BDP1: variants seen among roughly 807,000 people sequenced by gnomAD.
BDP1 encodes the protein BDP1 general transcription factor IIIB subunit.
BDP1 carries 169 observed loss-of-function variants against 266.6 expected under a neutral mutation model. That is an observed-to-expected ratio of 0.63 (90% CI 0.56 to 0.72). BDP1 has a LOEUF of 0.72. Among genes scored for constraint, BDP1 ranks in the 30% least tolerant of loss-of-function variants. The pLI, the probability that BDP1 is intolerant of heterozygous loss-of-function variation, is 0.00. For synonymous variants in BDP1, 1,090 were observed against 1,022.4 expected, an observed-to-expected ratio of 1.07 and a Z score of -1.26; for missense variants, 3,015 against 3,053.8, an observed-to-expected ratio of 0.99 and a Z score of 0.30.
rs1261712044 is a variant in BDP1, at chr5:71,461,861, A to G, written c.534A>G (p.Pro178=). ...ATGCTATAAATGAAAGTCAGAGGCC[A>G]CCAGATCGTTCAAAAATGACTATGA... is the stretch of plus-strand genomic sequence containing the variant. ...NKYAINESQR[P]PDRSKMTMRD... is the part of the protein sequence containing the mutation. Residue 178 remains proline, a synonymous_variant, in exon 3 of 39, where the codon CCA becomes CCG. Transcript: ENST00000358731. 6.2e-7 allele frequency: 1 copy of G among 1,609,314 alleles called. No individual in the cohort carries two copies. Among genetic ancestry groups the G allele is most frequent in the Non-Finnish European group, 8.5e-7 (1 of 1,176,872 alleles).
chr5:71,469,911 G>T lies in BDP1; in HGVS notation c.920-484G>T, dbSNP rs191949705. On this transcript the variant is annotated intron_variant, in intron 6 of 38. Coordinates refer to ENST00000358731, the MANE Select transcript of BDP1 (RefSeq NM_018429.3). ...GGTTGGAGTGCAATGGCACGATCTC[G>T]GCTCACTGCAACCTCCGCTTCCCGG... Among the ~76,000 whole-genome samples the T allele has an allele frequency of 6.8e-3, 931 of 136,098 alleles. 25 individuals carry two copies. Among genetic ancestry groups the T allele is most frequent in the Admixed American group, 0.053 (696 of 13,156 alleles). The allele number at this position is 136,098 out of a possible 152,430, so 89.3% of individuals were successfully genotyped here. A position where few individuals can be genotyped will look rare whatever the true frequency, so the allele number is the denominator to read the frequency against.
At chr5:71,498,386 T>C (rs1764022141) in intron 13 of BDP1, among the ~76,000 whole-genome samples, 1 of 151,326 alleles carries the variant, frequency 6.6e-6, no homozygotes, top group Admixed American at 6.6e-5. Flanking sequence ...ATGAGCCAGC[T>C]CACCTGGTCA....
rs767135305 is a variant in BDP1 at position 71,510,389 on chromosome 5, C to A, written c.3297C>A (p.Ser1099=). 6 of 1,612,486 alleles carry A rather than the reference C, an allele frequency of 3.7e-6. No individual in the cohort carries two copies. In the African/African-American group the frequency reaches 5.4e-5, roughly 14 times the overall value. The change falls in exon 17 of 39, where the codon TCC becomes TCA. Residue 1099 remains serine, a synonymous_variant. Coordinates refer to ENST00000358731, the MANE Select transcript of BDP1 (RefSeq NM_018429.3). ...TGGAAGAAACTGAAAGAGAAATATC[C>A]CCACAGGAAAATGGCCTAGAGGAGG... The part of the protein sequence containing the change: ...IDLEETEREI[S]PQENGLEEVK...
rs1405316654 is a variant in BDP1, at chr5:71,516,154, A to G, written c.4743A>G (p.Pro1581=). The change falls in exon 21 of 39, where the codon CCA becomes CCG. Residue 1581 remains proline, a synonymous_variant. Transcript: ENST00000358731. ...GGGGCCGACTTCAGAGACCGAGACC[A>G]AATATAAGAAAGACAGGACAGAGGC... ...QVRGRLQRPR[P]NIRKTGQRQI... 6.2e-7 allele frequency: 1 copy of G among 1,613,492 alleles called. No individual in the cohort carries two copies. Among genetic ancestry groups the G allele is most frequent in the Non-Finnish European group, 8.5e-7 (1 of 1,179,626 alleles).
Position 71,566,647 on chromosome 5 carries a change from A to G in BDP1, c.*1762A>G, listed in dbSNP as rs2112155420. 6.6e-6 allele frequency: 1 copy of G among 152,338 alleles called. No homozygotes were observed. Among genetic ancestry groups the G allele is most frequent in the Admixed American group, 6.5e-5 (1 of 15,302 alleles). The allele number at this position is 152,338 out of a possible 1,614,324, so 9.4% of individuals were successfully genotyped here. On this transcript the variant is annotated 3_prime_UTR_variant, in exon 39 of 39. Coordinates refer to ENST00000358731, the MANE Select transcript of BDP1 (RefSeq NM_018429.3). ...CTGCAATTTCAGTGTGAAAGAAGCC[A>G]TAGACAGTACTTGAATGAAGGACTG... is the stretch of plus-strand genomic sequence containing the variant.
chr5:71,566,661 A>T lies in BDP1; in HGVS notation c.*1776A>T, dbSNP rs765197245. On this transcript the variant is annotated 3_prime_UTR_variant, in exon 39 of 39. Transcript: ENST00000358731. ...TGAAAGAAGCCATAGACAGTACTTG[A>T]ATGAAGGACTGTGGCTGGATTGGCC... The T allele has an allele frequency of 1.3e-5, 2 of 152,188 alleles. No individual in the cohort carries two copies. Among genetic ancestry groups the T allele is most frequent in the African/African-American group, 2.4e-5 (1 of 41,448 alleles). 9.4% of individuals were successfully genotyped at this position (152,188 alleles called of 1,614,324 possible). A position where few individuals can be genotyped will look rare whatever the true frequency, so the allele number is the denominator to read the frequency against.
rs765003209 is a variant in BDP1 at position 71,548,681 on chromosome 5, G to GTA, written c.6747_6748dup (p.Thr2250IlefsTer14). 1 of 1,599,734 alleles carries GTA rather than the reference G, an allele frequency of 6.3e-7. No homozygotes were observed. Among genetic ancestry groups the GTA allele is most frequent in the Non-Finnish European group, 8.6e-7 (1 of 1,168,280 alleles). On this transcript the variant is annotated frameshift_variant and splice_region_variant. Coordinates refer to ENST00000358731, the MANE Select transcript of BDP1 (RefSeq NM_018429.3). LOFTEE classifies it high-confidence loss of function. ...TCTTTCATTTTAATTTTTTATGGCAGTATACACCAACAAGTATTCCAGAAG... is the reference window on the plus strand; with the variant it reads ...TCTTTCATTTTAATTTTTTATGGCAGTATATACACCAACAAGTATTCCAGAAG...
At chr5:71,495,200 T>C (rs776563398) in intron 11 of BDP1, 50 bp from the exon 12 acceptor site, 1 of 1,149,734 alleles carries the variant, frequency 8.7e-7, no homozygotes, top group South Asian at 2.0e-5. Context: ...AATTATAAAA[T>C]ATATATCATT....
rs114745707 is a variant in BDP1, at chr5:71,498,302, A to G, written c.1956+876A>G. 4.2e-3 allele frequency among the ~76,000 whole-genome samples: 639 copies of G among 152,024 alleles called. 10 individuals carry two copies. Among genetic ancestry groups the G allele is most frequent in the African/African-American group, 0.014 (597 of 41,464 alleles). On this transcript the variant is annotated intron_variant, in intron 13 of 38. Coordinates refer to ENST00000358731, the MANE Select transcript of BDP1 (RefSeq NM_018429.3). Reference sequence around the variant, plus strand: ...TTTGGAATGGAGTTTCACTGTGTTCACCAGGCTGGTTTCTAACTCCTGGCC... The same window carrying G: ...TTTGGAATGGAGTTTCACTGTGTTCGCCAGGCTGGTTTCTAACTCCTGGCC...
chr5:71,559,153 C>CA (rs971722826), intron 36 of BDP1, among the ~76,000 whole-genome samples: 2 of 151,802 alleles, frequency 1.3e-5, no homozygotes, highest in East Asian at 1.9e-4. Flanking sequence ...GACTCTGTCT[C>CA]AAAAAAACAA....
At chr5:71,525,084 G>T (rs1246595613) in intron 25 of BDP1, among the ~76,000 whole-genome samples, 1 of 151,314 alleles carries the variant, frequency 6.6e-6, no homozygotes, top group South Asian at 2.1e-4. Flanking sequence ...TTTCCCCACT[G>T]TTCCCCCCTT....
rs781471945 is a variant in BDP1, at chr5:71,489,578, AAAG to A, written c.1392_1394del (p.Arg466del). On this transcript the variant is annotated inframe_deletion, in exon 10 of 39. Coordinates refer to ENST00000358731, the MANE Select transcript of BDP1 (RefSeq NM_018429.3). ...TTAGAAGTAGACCTAAATCAAAAGA[AAAG>A]AAGGAGGAAGAAGCAAGATGGAGCT... The A allele has an allele frequency of 1.5e-5, 25 of 1,614,182 alleles. No homozygotes were observed. Among genetic ancestry groups the A allele is most frequent in the African/African-American group, 2.7e-5 (2 of 75,068 alleles).
At chr5:71,525,738 A>AC (rs1314749174) in intron 25 of BDP1, among the ~76,000 whole-genome samples, 2 of 99,094 alleles carry the variant, frequency 2.0e-5, no homozygotes, top group Admixed American at 9.8e-5. Context: ...CGGGGGGCTG[A>AC]CCCCCACCTC....
intron 13 of BDP1, 107 bp from the exon 14 acceptor site, chr5:71,501,455 T>C: frequency 1.4e-6 from 1 of 722,420 alleles, no homozygotes; most frequent in Non-Finnish European, 2.4e-6. Context: ...ATTACAGGCT[T>C]GAGCCACCGT....
Position 71,497,258 on chromosome 5 carries a change from T to G in BDP1, c.1800-12T>G, listed in dbSNP as rs749581768. The G allele has an allele frequency of 9.9e-6, 16 of 1,610,464 alleles. No homozygotes were observed. The highest frequency in any genetic ancestry group is 1.7e-6 in the Non-Finnish European group (2 of 1,177,836). On this transcript the variant is annotated splice_polypyrimidine_tract_variant and intron_variant, in intron 12 of 38. Transcript: ENST00000358731. ...CATGTTTGATGCTATTTAAATAATG[T>G]TAATTTTTCAGGGAAATTGATCAAA... is the stretch of plus-strand genomic sequence containing the variant.
At chr5:71,526,051 G>A (rs1007581331) in intron 25 of BDP1, among the ~76,000 whole-genome samples, 3 of 152,220 alleles carry the variant, frequency 2.0e-5, no homozygotes, top group Admixed American at 6.5e-5. Flanking sequence ...GCCGGGCAGA[G>A]GCTGCAATCT....
intron 16 of BDP1, among the ~76,000 whole-genome samples, chr5:71,505,656 G>A (rs2150455353): frequency 6.6e-6 from 1 of 152,254 alleles, no homozygotes; most frequent in African/African-American, 2.4e-5. Context: ...CAGTCTTTAC[G>A]TTTAAAGGCT....
At chr5:71,559,110 C>T (rs1217305349) in intron 36 of BDP1, among the ~76,000 whole-genome samples, 4 of 152,058 alleles carry the variant, frequency 2.6e-5, no homozygotes, top group South Asian at 4.1e-4. Flanking sequence ...GCCGAGATCG[C>T]GCCTCTGCAC....
In BDP1 at chr5:71,565,031, T is replaced by C; in HGVS notation, c.*146T>C. On this transcript the variant is annotated 3_prime_UTR_variant, in exon 39 of 39. Transcript: ENST00000358731. ...ATACTTAATGAGCTTGATTTGAAGC[T>C]TTTATAATCAGTGGAAAACATTTCT... 2.7e-6 allele frequency: 2 copies of C among 732,774 alleles called. No individual in the cohort carries two copies. The allele number at this position is 732,774 out of a possible 1,614,324, so 45.4% of individuals were successfully genotyped here.
Sources: gnomAD v4.1 joint callset for allele counts (sites outside exome capture counted in the v4.1 genomes callset) on GRCh38, gnomAD v4.1.1 for gene constraint, MANE v1.5 for transcripts, NCBI Gene and HGNC (gene_info 2026-07-23, HGNC 2026-07-21) for gene names.